The following FHIT variants were observed in gnomAD, a reference collection of about 807,000 sequenced individuals.
FHIT encodes the protein fragile histidine triad diadenosine triphosphatase.
Under a neutral mutation model 17.9 loss-of-function variants are expected in FHIT, and 19 were observed. That is an observed-to-expected ratio of 1.06 (90% confidence interval 0.74 to 1.56). The LOEUF (loss-of-function observed/expected upper bound fraction) is 1.56. FHIT is among the 40% of genes most tolerant of loss of function. FHIT has a pLI of 0.00. For synonymous variants in FHIT, 81 were observed against 69.7 expected (o/e 1.16, Z -0.81); for missense variants, 248 against 189.2 (o/e 1.31, Z -1.82).
chr3:59,770,634 T>G (rs1048975784), intron 8 of FHIT, among the ~76,000 whole-genome samples: 13 of 152,174 alleles, frequency 8.5e-5, no homozygotes, highest in African/African-American at 3.1e-4. Flanking sequence ...GCCAGAACTG[T>G]AAAACGACAA....
intron 5 of FHIT, among the ~76,000 whole-genome samples, chr3:60,353,549 T>A (rs1172641605): frequency 1.3e-5 from 2 of 152,152 alleles, no homozygotes; most frequent in African/African-American, 4.8e-5. Context: ...CTAATCAATT[T>A]AGACAACAAA....
intron 8 of FHIT, among the ~76,000 whole-genome samples, chr3:59,773,766 C>T (rs1702177515): frequency 6.6e-6 from 1 of 152,060 alleles, no homozygotes. Flanking sequence ...ACATAAGGCC[C>T]CATCCCAAAT....
intron 4 of FHIT, among the ~76,000 whole-genome samples, chr3:60,778,896 A>G (rs1559715370): frequency 2.0e-5 from 3 of 152,164 alleles, no homozygotes; most frequent in African/African-American, 7.2e-5. Flanking sequence ...GTCCCTGTAC[A>G]GGGTTCCTGA....
intron 5 of FHIT, among the ~76,000 whole-genome samples, chr3:60,231,984 A>T (rs1169700145): frequency 6.6e-6 from 1 of 152,140 alleles, no homozygotes; most frequent in Non-Finnish European, 1.5e-5. Context: ...ATTTTTCTGG[A>T]GCAGATAACC....
intron 5 of FHIT, among the ~76,000 whole-genome samples, chr3:60,082,100 C>A (rs1703311005): frequency 6.6e-6 from 1 of 151,772 alleles, no homozygotes; most frequent in Non-Finnish European, 1.5e-5. Context: ...CCCAATAGCT[C>A]TTTTTCAATC....
intron 1 of FHIT, among the ~76,000 whole-genome samples, chr3:61,247,344 C>T (rs911378700): frequency 1.3e-5 from 2 of 152,174 alleles, no homozygotes; most frequent in Non-Finnish European, 2.9e-5. Context: ...GAAAGAAGCA[C>T]TGCCACATCC....
chr3:60,494,689 C>T (rs576502279), intron 5 of FHIT, among the ~76,000 whole-genome samples: 30 of 152,170 alleles, frequency 2.0e-4, no homozygotes, highest in African/African-American at 6.0e-4. Context: ...TGAATTGTTT[C>T]GATTTTTAGA....
intron 5 of FHIT, among the ~76,000 whole-genome samples, chr3:60,029,524 G>A (rs1341367818): frequency 2.6e-5 from 4 of 152,214 alleles, no homozygotes; most frequent in East Asian, 3.9e-4. Context: ...GAGCAGACCC[G>A]TCGTCATATG....
In FHIT at chr3:60,744,271, A is replaced by C. The variant is rs111835054; in HGVS notation, c.-18+77648T>G. ...TAAAAAAAAAAACAAAACAAAACAAAAAAAAAAAAAAACAGAAAGAAAAGA... is the reference window on the plus strand; with the variant it reads ...TAAAAAAAAAAACAAAACAAAACAACAAAAAAAAAAAACAGAAAGAAAAGA... On this transcript the variant is annotated intron_variant, in intron 4 of 9. Coordinates refer to ENST00000492590, the MANE Select transcript of FHIT (RefSeq NM_002012.4). Among the ~76,000 whole-genome samples the C allele has an allele frequency of 1.1e-3, 56 of 52,132 alleles. 2 individuals carry two copies. The highest frequency in any genetic ancestry group is 4.8e-3 in the African/African-American group (42 of 8,806). 34.2% of individuals were successfully genotyped at this position (52,132 alleles called of 152,430 possible). A position where few individuals can be genotyped will look rare whatever the true frequency, so the allele number is the denominator to read the frequency against.
At chr3:60,652,508 C>T (rs1054478611) in intron 4 of FHIT, among the ~76,000 whole-genome samples, 55 of 151,842 alleles carry the variant, frequency 3.6e-4, no homozygotes, top group African/African-American at 1.2e-3. Flanking sequence ...CCCAGGAGGG[C>T]GGATCATGAG....
At chr3:60,162,375 G>A (rs1383088802) in intron 5 of FHIT, among the ~76,000 whole-genome samples, 3 of 152,216 alleles carry the variant, frequency 2.0e-5, no homozygotes, top group East Asian at 1.9e-4. Context: ...TAGGCCAAAT[G>A]CCAGAAGTAA....
chr3:60,397,645 GCGA>G (rs547567381), intron 5 of FHIT, among the ~76,000 whole-genome samples: 32 of 152,282 alleles, frequency 2.1e-4, no homozygotes, highest in Admixed American at 1.7e-3. Context: ...CCTACTGATA[GCGA>G]CAGGAGGCGG....
intron 5 of FHIT, among the ~76,000 whole-genome samples, chr3:60,479,762 G>A (rs954360596): frequency 6.6e-6 from 1 of 152,156 alleles, no homozygotes; most frequent in Non-Finnish European, 1.5e-5. Flanking sequence ...AATTGCACAT[G>A]CGAGGGATCT....
chr3:60,380,671 G>T (rs1700761732), intron 5 of FHIT, among the ~76,000 whole-genome samples: 1 of 152,188 alleles, frequency 6.6e-6, no homozygotes, highest in Non-Finnish European at 1.5e-5. Context: ...TTGTCTCACT[G>T]CATGAGTATT....
chr3:60,548,092 C>T (rs983008378), intron 4 of FHIT, among the ~76,000 whole-genome samples: 2 of 151,572 alleles, frequency 1.3e-5, no homozygotes, highest in African/African-American at 4.9e-5. Context: ...ATCTAATCAG[C>T]TGGCAGTGGA....
At position 60,315,979 on chromosome 3, in the gene FHIT, G is replaced by A. The variant is rs1339568070; in HGVS notation, c.103+220881C>T. Among the ~76,000 whole-genome samples the A allele has an allele frequency of 3.3e-5, 5 of 152,142 alleles. No individual in the cohort carries two copies. The East Asian group carries it at 9.6e-4, about 29-fold the overall frequency. On this transcript the variant is annotated intron_variant, in intron 5 of 9. Transcript: ENST00000492590. ...TGCTGCATTAAATTAAGCAATTTAT[G>A]ATTTGTCCTTCCATATTGACCTTTC...
intron 5 of FHIT, among the ~76,000 whole-genome samples, chr3:60,196,173 G>C (rs549852396): frequency 6.6e-6 from 1 of 152,086 alleles, no homozygotes; most frequent in African/African-American, 2.4e-5. Context: ...TATCGTTTTG[G>C]AAGTCAGAAG....
intron 5 of FHIT, among the ~76,000 whole-genome samples, chr3:60,500,000 G>A (rs17031605): frequency 6.6e-6 from 1 of 151,968 alleles, no homozygotes; most frequent in Admixed American, 6.5e-5. Flanking sequence ...AAGTAGGATC[G>A]TTATCTGACT....
chr3:60,529,445 T>A (rs1043720999), intron 5 of FHIT, among the ~76,000 whole-genome samples: 1 of 152,236 alleles, frequency 6.6e-6, no homozygotes, highest in African/African-American at 2.4e-5. Context: ...CTACTGATGT[T>A]CAAACAAACC....
Sources: allele counts gnomAD v4.1 joint callset (sites outside exome capture counted in the v4.1 genomes callset), GRCh38; gene constraint gnomAD v4.1.1; transcripts MANE v1.5; gene names NCBI Gene and HGNC (gene_info 2026-07-23, HGNC 2026-07-21).